Variants in SEZ6L observed in about 807,000 individuals in gnomAD.
SEZ6L encodes the protein seizure 6-like protein.
SEZ6L carries 37 observed loss-of-function variants against 106.2 expected under a neutral mutation model. The observed-to-expected ratio is 0.35, with a 90% confidence interval of 0.27 to 0.46. The LOEUF (loss-of-function observed/expected upper bound fraction) is 0.46, where lower values mean the gene tolerates loss of function less well. SEZ6L is among the 20% of genes least tolerant of loss of function. SEZ6L has a pLI of 1.00. For missense variants in SEZ6L, 1,172 were observed against 1,332.8 expected (o/e 0.88, Z 1.88); for synonymous variants, 541 against 570.4 (o/e 0.95, Z 0.73).
chr22:26,338,867 CTTTTTTTTTT>C (rs71192914), intron 9 of SEZ6L, among the ~76,000 whole-genome samples: 5 of 87,468 alleles, frequency 5.7e-5, no homozygotes, highest in East Asian at 3.6e-4. Context: ...TTTTTTTTTT[CTTTTTTTTTT>C]TTTTTTTGTA....
At chr22:26,356,818 G>C (rs748742539) in intron 12 of SEZ6L, among the ~76,000 whole-genome samples, 2 of 151,960 alleles carry the variant, frequency 1.3e-5, no homozygotes, top group African/African-American at 4.8e-5. Flanking sequence ...CAGTTAGCAC[G>C]AGCACCACAA....
chr22:26,295,313 A>G (rs1291833846), intron 3 of SEZ6L, among the ~76,000 whole-genome samples: 1 of 152,202 alleles, frequency 6.6e-6, no homozygotes, highest in East Asian at 1.9e-4. Flanking sequence ...CATGCAGTGC[A>G]TGTTATCCAT....
intron 1 of SEZ6L, among the ~76,000 whole-genome samples, chr22:26,274,590 C>T (rs1310460970): frequency 6.6e-6 from 1 of 152,148 alleles, no homozygotes; most frequent in Non-Finnish European, 1.5e-5. Context: ...TTCAATAATT[C>T]ACTAGAAGGA....
intron 1 of SEZ6L, among the ~76,000 whole-genome samples, chr22:26,253,375 T>G (rs1042083330): frequency 2.0e-5 from 3 of 152,216 alleles, no homozygotes; most frequent in Admixed American, 2.0e-4. Flanking sequence ...CTGCTGATGA[T>G]GATGATATTT....
chr22:26,275,455 G>A lies in SEZ6L; in HGVS notation c.95-16951G>A, dbSNP rs551564361. ...CAATTTACAGTGGGTTAGTCAGGAT[G>A]TAACCCCATCATAAGTCAAAGAGCA... is the stretch of plus-strand genomic sequence containing the variant. On this transcript the variant is annotated intron_variant, in intron 1 of 16. Coordinates refer to ENST00000248933, the MANE Select transcript of SEZ6L (RefSeq NM_021115.5). 1.8e-4 allele frequency among the ~76,000 whole-genome samples: 27 copies of A among 152,296 alleles called. No homozygotes were observed. In the South Asian group the frequency reaches 3.9e-3, roughly 22 times the overall value.
At chr22:26,182,833 G>A (rs555669597) in intron 1 of SEZ6L, among the ~76,000 whole-genome samples, 1 of 151,924 alleles carries the variant, frequency 6.6e-6, no homozygotes, top group Non-Finnish European at 1.5e-5. Context: ...TTCTCTGGCT[G>A]TTGTTTTATA....
chr22:26,259,392 G>A (rs576615042), intron 1 of SEZ6L, among the ~76,000 whole-genome samples: 10 of 152,350 alleles, frequency 6.6e-5, no homozygotes, highest in African/African-American at 1.9e-4. Flanking sequence ...CTGAGGAGGA[G>A]AGAAAGGTGA....
At chr22:26,323,868 T>C (rs1439810179) in intron 9 of SEZ6L, among the ~76,000 whole-genome samples, 1 of 152,236 alleles carries the variant, frequency 6.6e-6, no homozygotes, top group African/African-American at 2.4e-5. Context: ...TTTTTACCTA[T>C]AGTAACTCAT....
intron 1 of SEZ6L, among the ~76,000 whole-genome samples, chr22:26,248,855 C>G (rs1485850462): frequency 6.6e-6 from 1 of 152,178 alleles, no homozygotes. Context: ...TACAAACAAC[C>G]CAGTGGCTGA....
intron 13 of SEZ6L, among the ~76,000 whole-genome samples, chr22:26,367,288 C>A (rs1342919686): frequency 1.3e-5 from 2 of 151,990 alleles, no homozygotes; most frequent in Non-Finnish European, 2.9e-5. Context: ...TCTCGCCTTG[C>A]CCTAGTCCCG....
At chr22:26,276,782 G>A (rs1440610855) in intron 1 of SEZ6L, among the ~76,000 whole-genome samples, 1 of 152,200 alleles carries the variant, frequency 6.6e-6, no homozygotes, top group African/African-American at 2.4e-5. Context: ...TTCATGGGGT[G>A]TGAGGGGAGG....
intron 1 of SEZ6L, among the ~76,000 whole-genome samples, chr22:26,281,224 T>G (rs1435535743): frequency 6.6e-6 from 1 of 152,178 alleles, no homozygotes. Context: ...AGGAGAGAGA[T>G]ATGAGCATAT....
intron 12 of SEZ6L, among the ~76,000 whole-genome samples, chr22:26,357,445 C>G (rs1298936292): frequency 2.0e-5 from 3 of 152,260 alleles, no homozygotes; most frequent in Middle Eastern, 3.4e-3. Flanking sequence ...AAGGAAATCA[C>G]AATGAATCGT....
chr22:26,275,416 A>T (rs1175246229), intron 1 of SEZ6L, among the ~76,000 whole-genome samples: 1 of 152,178 alleles, frequency 6.6e-6, no homozygotes, highest in Non-Finnish European at 1.5e-5. Flanking sequence ...TGCATTTTCA[A>T]CTTAAGATGT....
At chr22:26,344,364 G>A (rs1257041350) in intron 10 of SEZ6L, among the ~76,000 whole-genome samples, 3 of 152,238 alleles carry the variant, frequency 2.0e-5, no homozygotes, top group East Asian at 1.9e-4. Flanking sequence ...AGATAAGTAA[G>A]CAGTGCTTTT....
chr22:26,336,661 A>G (rs987198514), intron 9 of SEZ6L, among the ~76,000 whole-genome samples: 3 of 152,208 alleles, frequency 2.0e-5, no homozygotes, highest in Non-Finnish European at 2.9e-5. Flanking sequence ...ATGTGCATTT[A>G]TATAAGTCAT....
At chr22:26,208,357 A>G (rs1941396044) in intron 1 of SEZ6L, among the ~76,000 whole-genome samples, 1 of 152,118 alleles carries the variant, frequency 6.6e-6, no homozygotes, top group South Asian at 2.1e-4. Flanking sequence ...CAGCCTAAAG[A>G]ATTTCCTTTA....
chr22:26,303,028 C>T (rs1396251275), intron 5 of SEZ6L, among the ~76,000 whole-genome samples: 1 of 152,254 alleles, frequency 6.6e-6, no homozygotes, highest in Non-Finnish European at 1.5e-5. Context: ...ATTGATTTCT[C>T]ACTACTGTCC....
chr22:26,268,445 C>T (rs771886536), intron 1 of SEZ6L, among the ~76,000 whole-genome samples: 30 of 152,204 alleles, frequency 2.0e-4, no homozygotes, highest in Non-Finnish European at 2.6e-4. Context: ...AATTAGCTTC[C>T]TAAACTGGTC....
Sources: allele counts gnomAD v4.1 joint callset (sites outside exome capture counted in the v4.1 genomes callset), GRCh38; gene constraint gnomAD v4.1.1; transcripts MANE v1.5; gene names NCBI Gene and HGNC (gene_info 2026-07-23, HGNC 2026-07-21).